The following ARHGAP6 variants were observed in gnomAD, a reference collection of about 807,000 sequenced individuals.
ARHGAP6 encodes the protein Rho GTPase activating protein 6, also known as rho GTPase-activating protein 6.
ARHGAP6 carries 16 observed loss-of-function variants against 55.7 expected under a neutral mutation model. The observed-to-expected ratio is 0.29, with a 90% CI of 0.19 to 0.44. ARHGAP6 has a LOEUF of 0.44. ARHGAP6 is among the 20% of genes least tolerant of loss of function. The pLI, the probability that ARHGAP6 is intolerant of heterozygous loss-of-function variation, is 1.00. For missense variants in ARHGAP6, 698 were observed against 808.9 expected (o/e 0.86, Z 1.66); for synonymous variants, 382 against 360.9 (o/e 1.06, Z -0.66).
At chrX:11,372,792 A>G (rs906840289) in intron 1 of ARHGAP6, among the ~76,000 whole-genome samples, 12 of 106,589 alleles carry the variant, frequency 1.1e-4, no homozygotes, top group Non-Finnish European at 1.5e-4. Flanking sequence ...AAAAAAAAAA[A>G]AAAAGAAAAG....
chrX:11,196,145 CAAAA>C (rs1402435621), intron 3 of ARHGAP6, among the ~76,000 whole-genome samples: 2 of 105,062 alleles, frequency 1.9e-5, no homozygotes, highest in Non-Finnish European at 3.9e-5. Flanking sequence ...AAAAACAAAA[CAAAA>C]CAAAACAAAA....
intron 1 of ARHGAP6, among the ~76,000 whole-genome samples, chrX:11,576,075 C>A (rs908133010): frequency 2.7e-5 from 3 of 111,840 alleles, no homozygotes; most frequent in Non-Finnish European, 5.6e-5. Flanking sequence ...TCCTTGGGAA[C>A]AAAATAAACT....
intron 4 of ARHGAP6, among the ~76,000 whole-genome samples, chrX:11,187,556 T>C (rs1279490884): frequency 2.7e-5 from 3 of 112,357 alleles, no homozygotes; most frequent in African/African-American, 9.7e-5. Flanking sequence ...AATTTTGTAA[T>C]TTCTTCATTT....
intron 1 of ARHGAP6, chrX:11,300,569 G>C (rs746272574): frequency 8.8e-7 from 1 of 1,133,262 alleles, no homozygotes; most frequent in Non-Finnish European, 1.2e-6. Context: ...AGGAACATTT[G>C]TAAATTATTT....
At chrX:11,401,194 A>G (rs1487072098) in intron 1 of ARHGAP6, among the ~76,000 whole-genome samples, 1 of 110,957 alleles carries the variant, frequency 9.0e-6, no homozygotes, top group Non-Finnish European at 1.9e-5. Flanking sequence ...GAGCATCCAA[A>G]AGCAGCTAAT....
At chrX:11,159,164 G>A (rs986229122) in intron 9 of ARHGAP6, among the ~76,000 whole-genome samples, 6 of 111,260 alleles carry the variant, frequency 5.4e-5, no homozygotes, top group African/African-American at 2.0e-4. Context: ...GAAAGGAGGC[G>A]GGTGGTAGGA....
At chrX:11,543,725 C>T (rs764037463) in intron 1 of ARHGAP6, among the ~76,000 whole-genome samples, 2 of 111,854 alleles carry the variant, frequency 1.8e-5, no homozygotes, top group African/African-American at 3.2e-5. Context: ...AGTTTGGACC[C>T]GAGACTGTCT....
At chrX:11,224,627 AGAGG>A (rs1458890721) in intron 2 of ARHGAP6, among the ~76,000 whole-genome samples, 1 of 109,536 alleles carries the variant, frequency 9.1e-6, no homozygotes, top group African/African-American at 3.4e-5. Flanking sequence ...GCACATTGAT[AGAGG>A]GAGAGTTGGG....
At chrX:11,405,570 A>T (rs1048618683) in intron 1 of ARHGAP6, among the ~76,000 whole-genome samples, 3 of 112,376 alleles carry the variant, frequency 2.7e-5, no homozygotes, top group Non-Finnish European at 5.6e-5. Flanking sequence ...AATTTAAAAA[A>T]TTTTAATGGC....
At chrX:11,572,151 A>G (rs1327698411) in intron 1 of ARHGAP6, among the ~76,000 whole-genome samples, 1 of 111,708 alleles carries the variant, frequency 9.0e-6, no homozygotes, top group Non-Finnish European at 1.9e-5. Context: ...AGGATAATCA[A>G]ATCATAATGG....
At chrX:11,307,713 A>G (rs767569132) in intron 1 of ARHGAP6, among the ~76,000 whole-genome samples, 1 of 112,432 alleles carries the variant, frequency 8.9e-6, no homozygotes, top group Non-Finnish European at 1.9e-5. Context: ...TAAAATGTGC[A>G]GTTCTTATCA....
chrX:11,565,183 C>A (rs375088853), intron 1 of ARHGAP6, among the ~76,000 whole-genome samples: 1 of 112,171 alleles, frequency 8.9e-6, no homozygotes, highest in Non-Finnish European at 1.9e-5. Context: ...ACAACTATCA[C>A]TGAATCTTAA....
At chrX:11,408,927 G>A (rs760072622) in intron 1 of ARHGAP6, among the ~76,000 whole-genome samples, 11 of 105,675 alleles carry the variant, frequency 1.0e-4, no homozygotes, top group South Asian at 4.3e-4. Flanking sequence ...ACACACACAC[G>A]CACACACACA....
At chrX:11,296,391 C>T (rs1404557107) in intron 1 of ARHGAP6, among the ~76,000 whole-genome samples, 1 of 111,747 alleles carries the variant, frequency 8.9e-6, no homozygotes, top group African/African-American at 3.3e-5. Context: ...TGAGTTTTAT[C>T]AGCAAGTAAA....
intron 1 of ARHGAP6, among the ~76,000 whole-genome samples, chrX:11,630,618 AGGAT>A (rs199928878): frequency 0.12 from 13,571 of 111,129 alleles, 774 homozygotes; most frequent in Middle Eastern, 0.23. Flanking sequence ...GATGAATGAA[AGGAT>A]GGATGGATGG....
chrX:11,324,150 C>A (rs1215477559), intron 1 of ARHGAP6, among the ~76,000 whole-genome samples: 1 of 111,849 alleles, frequency 8.9e-6, no homozygotes, highest in Non-Finnish European at 1.9e-5. Context: ...AAGAGCAGAG[C>A]TTTTGAAGGA....
chrX:11,188,973 G>T lies in ARHGAP6; in HGVS notation c.832C>A (p.Gln278Lys). The change falls in exon 4 of 13, where the codon CAG becomes AAG. Residue 278 changes from glutamine (Q) to lysine (K), a missense_variant. Around this residue, in one of 3 missense-constraint regions of ARHGAP6, gnomAD observed 322 missense variants for 451.1 expected, o/e 0.71. Coordinates refer to ENST00000337414, the MANE Select transcript of ARHGAP6 (RefSeq NM_013427.3). ...TGGGATAAGGGCATTCCAAATGCCT[G>T]TGGGATGAATTCTGGAATCAAAAAA... is the stretch of plus-strand genomic sequence containing the variant. ...EKNKDKEFIP[Q>K]AFGMPLSQVI... 8.3e-7 allele frequency: 1 copy of T among 1,208,836 alleles called. No individual in the cohort carries two copies. The highest frequency in any genetic ancestry group is 1.1e-6 in the Non-Finnish European group (1 of 893,824).
intron 1 of ARHGAP6, among the ~76,000 whole-genome samples, chrX:11,335,382 C>G (rs1431693128): frequency 9.0e-6 from 1 of 111,169 alleles, no homozygotes; most frequent in Non-Finnish European, 1.9e-5. Flanking sequence ...GCCCCCAACC[C>G]CGTGACAGGC....
chrX:11,213,653 C>G (rs1202386750), intron 2 of ARHGAP6, among the ~76,000 whole-genome samples: 5 of 112,523 alleles, frequency 4.4e-5, no homozygotes, highest in African/African-American at 1.6e-4. Flanking sequence ...AAGTAAAACA[C>G]AGACAAATAT....
Sources: gnomAD v4.1 joint callset for allele counts (sites outside exome capture counted in the v4.1 genomes callset) on GRCh38, gnomAD v4.1.1 for gene constraint, gnomAD v4.1.1 regional missense constraint, MANE v1.5 for transcripts, NCBI Gene and HGNC (gene_info 2026-07-23, HGNC 2026-07-21) for gene names.